Variants in PCNX3 observed in about 807,000 individuals in gnomAD.
PCNX3 encodes pecanex-like protein 3.
In PCNX3, 58 loss-of-function variants were observed where a neutral mutation model predicts 207.2. That is an observed-to-expected ratio of 0.28 (90% CI 0.23 to 0.35). PCNX3 has a LOEUF of 0.35. PCNX3 is among the 10% of genes least tolerant of loss of function. PCNX3 has a pLI of 1.00. For synonymous variants in PCNX3, 1,337 were observed against 1,183.5 expected (o/e 1.13, Z -2.66); for missense variants, 2,410 against 2,774.4 (o/e 0.87, Z 2.95).
chr11:65,625,403 A>C lies in PCNX3; in HGVS notation c.3030-2A>C, dbSNP rs1178599790. 1 of 1,602,322 alleles carries C rather than the reference A, an allele frequency of 6.2e-7. No individual in the cohort carries two copies. Among genetic ancestry groups the C allele is most frequent in the African/African-American group, 1.3e-5 (1 of 74,538 alleles). On this transcript the variant is annotated splice_acceptor_variant, in intron 17 of 34. Transcript: ENST00000355703. LOFTEE classifies it high-confidence loss of function. The surrounding 1 kb of genome is among the most constrained non-coding windows in gnomAD (Gnocchi z 5.6). Reference sequence around the variant, plus strand: ...CTCCTCCTGACTCTTCCTCACCCCCAGGTCTCTGATCCGGAGCAAGCTGTT... The same window carrying C: ...CTCCTCCTGACTCTTCCTCACCCCCCGGTCTCTGATCCGGAGCAAGCTGTT...
chr11:65,616,808 T>G lies in PCNX3; in HGVS notation c.154-16T>G. 6.2e-7 allele frequency: 1 copy of G among 1,605,110 alleles called. No individual in the cohort carries two copies. The highest frequency in any genetic ancestry group is 8.5e-7 in the Non-Finnish European group (1 of 1,173,056). ...GAGGCTTTGTGAAAAGGGACCTGGC[T>G]TACTTTCATCTTCAGGTCCTGCCTC... On this transcript the variant is annotated splice_polypyrimidine_tract_variant and intron_variant, in intron 1 of 34. Coordinates refer to ENST00000355703, the MANE Select transcript of PCNX3 (RefSeq NM_032223.4).
chr11:65,619,528 T>A lies in PCNX3; in HGVS notation c.1706-9T>A, dbSNP rs1284037138. 1.9e-6 allele frequency: 3 copies of A among 1,611,244 alleles called. No individual in the cohort carries two copies. The Admixed American group carries it at 5.0e-5, about 27-fold the overall frequency. On this transcript the variant is annotated splice_polypyrimidine_tract_variant and intron_variant, in intron 6 of 34. Transcript: ENST00000355703. The stretch of plus-strand genomic sequence containing the variant: ...TGTCACTTACACTTGGGGGCCTCTC[T>A]CTGGGCAGCGGCCGAGGAGACTGGC...
intron 23 of PCNX3, 54 bp from the exon 24 acceptor site, chr11:65,628,765 G>T: frequency 6.3e-6 from 10 of 1,595,546 alleles, no homozygotes; most frequent in South Asian, 1.1e-5. Context: ...GCAGTGGGGG[G>T]TGGTGGGGGG....
At position 65,627,156 on chromosome 11, in the gene PCNX3, A is replaced by C; in HGVS notation, c.3524+108A>C. 4 of 1,400,188 alleles carry C rather than the reference A, an allele frequency of 2.9e-6. No homozygotes were observed. In the East Asian group the frequency reaches 1.0e-4, roughly 36 times the overall value. 86.7% of individuals were successfully genotyped at this position (1,400,188 alleles called of 1,614,324 possible). The stretch of plus-strand genomic sequence containing the variant: ...GAATCATGTCTAAGGTTGTTTAGCA[A>C]GCTAAAGCAGGACCCCAGCTCCTGA... On this transcript the variant is annotated intron_variant, in intron 21 of 34. Coordinates refer to ENST00000355703, the MANE Select transcript of PCNX3 (RefSeq NM_032223.4).
rs774214676 is a variant in PCNX3 at position 65,616,440 on chromosome 11, C to T, written c.129C>T (p.Leu43=). The change falls in exon 1 of 35, where the codon CTC becomes CTT. Residue 43 remains leucine, a synonymous_variant. Transcript: ENST00000355703. ...CFHLYVWIFL[L]IFPFLLYMVL... is the part of the protein sequence containing the mutation. Reference sequence around the variant, plus strand: ...ACCTCTATGTCTGGATCTTCCTGCTCATCTTTCCCTTCTTACTGTACATGG... The same window carrying T: ...ACCTCTATGTCTGGATCTTCCTGCTTATCTTTCCCTTCTTACTGTACATGG... 44 of 1,609,030 alleles carry T rather than the reference C, an allele frequency of 2.7e-5. 1 individual carries two copies. The South Asian group carries it at 3.4e-4, about 12-fold the overall frequency.
chr11:65,634,510 C>A (rs1855745365), intron 28 of PCNX3, 28 bp from the exon 29 acceptor site: 1 of 1,561,162 alleles, frequency 6.4e-7, no homozygotes. Context: ...CTGAGCTGGG[C>A]TCTGGGATGG....
rs1393069997 is a variant in PCNX3 at position 65,624,841 on chromosome 11, C to G, written c.2828-84C>G. The G allele has an allele frequency of 2.9e-6, 4 of 1,387,396 alleles. No individual in the cohort carries two copies. In the African/African-American group the frequency reaches 4.2e-5, roughly 15 times the overall value. The allele number at this position is 1,387,396 out of a possible 1,614,324, so 85.9% of individuals were successfully genotyped here. A position where few individuals can be genotyped will look rare whatever the true frequency, so the allele number is the denominator to read the frequency against. ...GGTGCCTTTCCAGGGAGGCCAGCCT[C>G]TGGGAGTTGAGGGGAAGCGCGGCTA... On this transcript the variant is annotated intron_variant, in intron 15 of 34. Transcript: ENST00000355703.
intron 1 of PCNX3, 144 bp downstream of exon 1, chr11:65,616,608 C>G: frequency 8.9e-7 from 1 of 1,126,760 alleles, no homozygotes; most frequent in Non-Finnish European, 1.2e-6. Flanking sequence ...GGGCCAAAGT[C>G]TTCCTTTCTT....
In PCNX3 at chr11:65,635,141, G is replaced by A. The variant is rs755568545; in HGVS notation, c.4953+21G>A. On this transcript the variant is annotated intron_variant, in intron 30 of 34. Coordinates refer to ENST00000355703, the MANE Select transcript of PCNX3 (RefSeq NM_032223.4). The surrounding 1 kb of genome is among the most constrained non-coding windows in gnomAD (Gnocchi z 9.9). ...ACCAGGTTGGGGAGGGGTGTGCCCA[G>A]CAGCATGGGCAGGTGGGGGATGAAG... 4 of 1,609,660 alleles carry A rather than the reference G, an allele frequency of 2.5e-6. No individual in the cohort carries two copies. The highest frequency in any genetic ancestry group is 3.4e-6 in the Non-Finnish European group (4 of 1,177,250).
In PCNX3 at chr11:65,619,437, C is replaced by T. The variant is rs1220725477; in HGVS notation, c.1706-100C>T. 6 of 1,515,096 alleles carry T rather than the reference C, an allele frequency of 4.0e-6. No individual in the cohort carries two copies. The African/African-American group carries it at 4.1e-5, about 10-fold the overall frequency. 93.9% of individuals were successfully genotyped at this position (1,515,096 alleles called of 1,614,324 possible). On this transcript the variant is annotated intron_variant, in intron 6 of 34. Coordinates refer to ENST00000355703, the MANE Select transcript of PCNX3 (RefSeq NM_032223.4). ...GCCTCAGAGCCGGGGCGTGGTTGTACTAGGCCTTTAGCTCCCTGGCGGAAC... is the reference window on the plus strand; with the variant it reads ...GCCTCAGAGCCGGGGCGTGGTTGTATTAGGCCTTTAGCTCCCTGGCGGAAC...
At position 65,636,492 on chromosome 11, in the gene PCNX3, C is replaced by T. The variant is rs1426364003; in HGVS notation, c.5695C>T (p.Pro1899Ser). 3 of 1,575,436 alleles carry T rather than the reference C, an allele frequency of 1.9e-6. No homozygotes were observed. Among genetic ancestry groups the T allele is most frequent in the East Asian group, 4.5e-5 (2 of 44,514 alleles). ...GCCCCCACCTCTGCTGCAGTGGCCT[C>T]CCCCTCGGCTCCCTGGACCACCCCC... ...GRPPPLLQWP[P>S]PRLPGPPPAS... The change falls in exon 34 of 35, where the codon CCC becomes TCC. Residue 1899 changes from proline to serine, a missense_variant. Pro to Ser is a moderately conservative substitution (Grantham distance 74). Coordinates refer to ENST00000355703, the MANE Select transcript of PCNX3 (RefSeq NM_032223.4).
Position 65,629,702 on chromosome 11 carries a change from G to C in PCNX3, c.4183G>C (p.Val1395Leu). 6.4e-7 allele frequency: 1 copy of C among 1,555,368 alleles called. No homozygotes were observed. The highest frequency in any genetic ancestry group is 8.7e-7 in the Non-Finnish European group (1 of 1,149,844). Residue 1395 changes from valine to leucine, a missense_variant, in exon 26 of 35, where the codon GTC (valine) becomes CTC (leucine). Transcript: ENST00000355703. ...CCTCATCGAGGTTGGCAATGGCCTCGTCACCTTCCAGCTGCGTGGCCTTGA... is the reference window on the plus strand; with the variant it reads ...CCTCATCGAGGTTGGCAATGGCCTCCTCACCTTCCAGCTGCGTGGCCTTGA... ...VHLIEVGNGL[V>L]TFQLRGLEFR...
chr11:65,620,788 G>C, intron 9 of PCNX3, 43 bp from the exon 10 acceptor site: 1 of 1,579,370 alleles, frequency 6.3e-7, no homozygotes, highest in Non-Finnish European at 8.6e-7. Flanking sequence ...CCCAGCCCCA[G>C]GGCTCGCCCG....
chr11:65,628,120 C>T (rs764703518), intron 22 of PCNX3, among the ~76,000 whole-genome samples: 11 of 152,200 alleles, frequency 7.2e-5, no homozygotes, highest in Non-Finnish European at 1.3e-4. Flanking sequence ...CCTTTTTCTT[C>T]CTCACGTGGG....
chr11:65,623,990 C>G (rs1467492522), intron 13 of PCNX3, 29 bp downstream of exon 13: 2 of 1,609,188 alleles, frequency 1.2e-6, no homozygotes, highest in East Asian at 4.5e-5. Context: ...GCGCCTCTGG[C>G]CAGGAGGCCC....
In PCNX3 at chr11:65,636,550, C is replaced by T. The variant is rs757329037; in HGVS notation, c.5753C>T (p.Thr1918Ile). 34 of 1,595,010 alleles carry T rather than the reference C, an allele frequency of 2.1e-5. No homozygotes were observed. Among genetic ancestry groups the T allele is most frequent in the Non-Finnish European group, 2.8e-5 (33 of 1,172,636 alleles). ...ASPIPTEGPR[T>I]SRPPGPGLLS... ...CCTATCCCCACAGAGGGTCCCCGGA[C>T]CTCACGGCCCCCTGGCCCGGGTCTC... Residue 1918 changes from threonine (T) to isoleucine (I), a missense_variant, in exon 34 of 35, where the codon ACC becomes ATC. Physicochemically the swap from Thr to Ile is moderately conservative, Grantham distance 89. Transcript: ENST00000355703.
Position 65,629,224 on chromosome 11 carries a change from C to T in PCNX3, c.3942-133C>T, listed in dbSNP as rs923564870. The T allele has an allele frequency of 3.9e-6, 4 of 1,023,296 alleles. No homozygotes were observed. In the African/African-American group the frequency reaches 6.4e-5, roughly 16 times the overall value. The allele number at this position is 1,023,296 out of a possible 1,614,324, so 63.4% of individuals were successfully genotyped here. A position where few individuals can be genotyped will look rare whatever the true frequency, so the allele number is the denominator to read the frequency against. On this transcript the variant is annotated intron_variant, in intron 24 of 34. Transcript: ENST00000355703. ...TGAGTCCCTTCATGTACCTGAGCCTCAGTCTCCTCATCTGCCTGCATAACG... is the reference window on the plus strand; with the variant it reads ...TGAGTCCCTTCATGTACCTGAGCCTTAGTCTCCTCATCTGCCTGCATAACG...
intron 13 of PCNX3, 77 bp from the exon 14 acceptor site, chr11:65,624,118 G>A: frequency 1.3e-6 from 2 of 1,565,316 alleles, no homozygotes; most frequent in Non-Finnish European, 1.7e-6. Context: ...GGCCAGGCCT[G>A]GGGCCCTTGA....
At position 65,616,956 on chromosome 11, in the gene PCNX3, T is replaced by G. The variant is rs879871435; in HGVS notation, c.286T>G (p.Ser96Ala). Reference protein sequence around the residue: ...DQGEIVEKRSSTMGELEEEPA... With the variant: ...DQGEIVEKRSATMGELEEEPA... ...GGGCGAGATCGTGGAGAAGCGCAGC[T>G]CTACCATGGGGGAGCTGGAGGAAGA... Residue 96 changes from serine to alanine, a missense_variant, in exon 2 of 35, where the codon TCT becomes GCT. Physicochemically the swap from Ser to Ala is moderately conservative, Grantham distance 99. Around this residue, in one of 8 missense-constraint regions of PCNX3, gnomAD observed 1,104 missense variants for 970.3 expected, o/e 1.14. Coordinates refer to ENST00000355703, the MANE Select transcript of PCNX3 (RefSeq NM_032223.4). 6.2e-7 allele frequency: 1 copy of G among 1,613,218 alleles called. No individual in the cohort carries two copies. Among genetic ancestry groups the G allele is most frequent in the Non-Finnish European group, 8.5e-7 (1 of 1,179,802 alleles).
Sources: gnomAD v4.1 joint callset for allele counts (sites outside exome capture counted in the v4.1 genomes callset) on GRCh38, gnomAD v4.1.1 for gene constraint, gnomAD v4.1.1 regional missense constraint, Gnocchi (gnomAD v3.1) non-coding constraint, MANE v1.5 for transcripts, NCBI Gene and HGNC (gene_info 2026-07-23, HGNC 2026-07-21) for gene names.